The following MACROD2 variants were observed in gnomAD, a reference collection of about 807,000 sequenced individuals.
The protein encoded by MACROD2 is ADP-ribose glycohydrolase MACROD2.
In MACROD2, 36 loss-of-function variants were observed where a neutral mutation model predicts 70.4. That is an observed-to-expected ratio of 0.51 (90% CI 0.39 to 0.68). The LOEUF is 0.68. Ranked by LOEUF, MACROD2 falls within the 30% of genes least tolerant of loss-of-function variation. MACROD2 has a pLI of 0.00. For missense variants in MACROD2, 496 were observed against 538.4 expected, an observed-to-expected ratio of 0.92 and a Z score of 0.78; for synonymous variants, 172 against 178.8, an observed-to-expected ratio of 0.96 and a Z score of 0.30.
At chr20:15,781,998 G>A (rs1568558110) in intron 8 of MACROD2, among the ~76,000 whole-genome samples, 1 of 152,142 alleles carries the variant, frequency 6.6e-6, no homozygotes, top group Non-Finnish European at 1.5e-5. Flanking sequence ...GGTATTCATA[G>A]AGATGTACTT....
intron 15 of MACROD2, among the ~76,000 whole-genome samples, chr20:16,026,282 G>A (rs1408151036): frequency 2.0e-5 from 3 of 152,204 alleles, no homozygotes; most frequent in Non-Finnish European, 4.4e-5. Context: ...GATCCTGCAG[G>A]AGGGGAGAGC....
At chr20:14,215,320 A>G (rs1009497225) in intron 3 of MACROD2, among the ~76,000 whole-genome samples, 2 of 144,472 alleles carry the variant, frequency 1.4e-5, no homozygotes, top group African/African-American at 5.2e-5. Flanking sequence ...CATCATATAT[A>G]TCTATGCCAT....
At chr20:15,047,056 C>A (rs2075400201) in intron 5 of MACROD2, among the ~76,000 whole-genome samples, 1 of 152,106 alleles carries the variant, frequency 6.6e-6, no homozygotes, top group Non-Finnish European at 1.5e-5. Context: ...CATTGCTTAT[C>A]AATGTGTTTT....
intron 10 of MACROD2, among the ~76,000 whole-genome samples, chr20:15,892,366 T>G (rs1326028241): frequency 1.3e-5 from 2 of 152,188 alleles, no homozygotes; most frequent in African/African-American, 4.8e-5. Flanking sequence ...TTAATTTATT[T>G]GCCCCCAAGG....
At chr20:14,820,330 T>C (rs2072827151) in intron 5 of MACROD2, among the ~76,000 whole-genome samples, 2 of 150,164 alleles carry the variant, frequency 1.3e-5, no homozygotes, top group African/African-American at 4.9e-5. Context: ...TATCTGAAGG[T>C]GGTGGGATTA....
intron 8 of MACROD2, among the ~76,000 whole-genome samples, chr20:15,537,918 C>T (rs1408617234): frequency 1.3e-5 from 2 of 152,198 alleles, no homozygotes; most frequent in African/African-American, 4.8e-5. Context: ...TAATGCCTGT[C>T]TCCCAACATA....
At chr20:14,137,316 G>A (rs1472293572) in intron 3 of MACROD2, among the ~76,000 whole-genome samples, 1 of 152,102 alleles carries the variant, frequency 6.6e-6, no homozygotes, top group Non-Finnish European at 1.5e-5. Flanking sequence ...AAAGTCATAA[G>A]GACTTATAAG....
chr20:15,110,372 C>T (rs891408670), intron 5 of MACROD2, among the ~76,000 whole-genome samples: 10 of 152,044 alleles, frequency 6.6e-5, no homozygotes, highest in Admixed American at 1.3e-4. Flanking sequence ...GATCTATGTG[C>T]GGGAGAAAAG....
At chr20:15,519,783 C>G (rs191075250) in intron 8 of MACROD2, among the ~76,000 whole-genome samples, 129 of 152,330 alleles carry the variant, frequency 8.5e-4, no homozygotes, top group African/African-American at 2.8e-3. Context: ...CCTTATCTCC[C>G]TCTGTCCACT....
At chr20:14,968,592 A>G (rs1030432331) in intron 5 of MACROD2, among the ~76,000 whole-genome samples, 1 of 152,202 alleles carries the variant, frequency 6.6e-6, no homozygotes, top group East Asian at 1.9e-4. Flanking sequence ...GGTTATGCAA[A>G]CTTCAGCATG....
chr20:14,991,491 T>C (rs1600918632), intron 5 of MACROD2, among the ~76,000 whole-genome samples: 2 of 152,282 alleles, frequency 1.3e-5, no homozygotes, highest in African/African-American at 2.4e-5. Flanking sequence ...AAGGAATTTA[T>C]TTTCTCTACT....
intron 8 of MACROD2, among the ~76,000 whole-genome samples, chr20:15,590,957 G>A (rs200077703): frequency 1.7e-4 from 16 of 92,410 alleles, no homozygotes; most frequent in Non-Finnish European, 3.6e-4. Context: ...AAGAAAGAAA[G>A]AAAAAGAAAG....
At chr20:14,330,779 T>C (rs1003538134) in intron 3 of MACROD2, among the ~76,000 whole-genome samples, 6 of 152,244 alleles carry the variant, frequency 3.9e-5, no homozygotes, top group African/African-American at 1.4e-4. Context: ...TTTAGGGCTT[T>C]GCTCATTATT....
At chr20:15,289,804 A>C (rs2077525741) in intron 6 of MACROD2, among the ~76,000 whole-genome samples, 1 of 152,210 alleles carries the variant, frequency 6.6e-6, no homozygotes, top group Non-Finnish European at 1.5e-5. Flanking sequence ...CTCACTCAGC[A>C]AATATTCATT....
intron 8 of MACROD2, among the ~76,000 whole-genome samples, chr20:15,755,197 A>T (rs1194322643): frequency 6.6e-6 from 1 of 152,062 alleles, no homozygotes; most frequent in African/African-American, 2.4e-5. Context: ...GGAGACAGTG[A>T]TGTTTCTGGG....
intron 12 of MACROD2, among the ~76,000 whole-genome samples, chr20:15,940,247 C>T (rs2065731956): frequency 1.5e-5 from 2 of 129,704 alleles, no homozygotes; most frequent in African/African-American, 5.7e-5. Context: ...TGCACCACCA[C>T]ACCTGGCTCT....
At chr20:14,022,979 T>C (rs1417120764) in intron 2 of MACROD2, among the ~76,000 whole-genome samples, 1 of 152,220 alleles carries the variant, frequency 6.6e-6, no homozygotes, top group Non-Finnish European at 1.5e-5. Context: ...CCAAATGATA[T>C]TTCTGGTTCT....
chr20:14,545,894 T>C (rs2085486631), intron 4 of MACROD2, among the ~76,000 whole-genome samples: 1 of 152,204 alleles, frequency 6.6e-6, no homozygotes, highest in Non-Finnish European at 1.5e-5. Context: ...TCTGTATACA[T>C]GTGCACATAT....
chr20:15,526,968 T>A (rs557860913), intron 8 of MACROD2, among the ~76,000 whole-genome samples: 2 of 152,338 alleles, frequency 1.3e-5, no homozygotes, highest in African/African-American at 4.8e-5. Flanking sequence ...TCTCACCACG[T>A]ATTGGAAATG....
Sources: gnomAD v4.1 joint callset for allele counts (sites outside exome capture counted in the v4.1 genomes callset) on GRCh38, gnomAD v4.1.1 for gene constraint, MANE v1.5 for transcripts, NCBI Gene and HGNC (gene_info 2026-07-23, HGNC 2026-07-21) for gene names.